Variants in SMAP1 observed in about 807,000 individuals in gnomAD.
SMAP1 encodes the protein stromal membrane-associated protein 1.
SMAP1 carries 24 observed loss-of-function variants against 58.5 expected under a neutral mutation model. The observed-to-expected ratio is 0.41, with a 90% confidence interval of 0.30 to 0.58. The LOEUF (loss-of-function observed/expected upper bound fraction) is 0.58, where lower values mean the gene tolerates loss of function less well. SMAP1 is among the 20% of genes least tolerant of loss of function. The pLI is 0.29. For synonymous variants in SMAP1, 216 were observed against 196.6 expected (o/e 1.10, Z -0.82); for missense variants, 563 against 566.3 (o/e 0.99, Z 0.06).
chr6:70,731,622 C>A lies in SMAP1; in HGVS notation c.119-756C>A, dbSNP rs533922486. 8.5e-5 allele frequency among the ~76,000 whole-genome samples: 13 copies of A among 152,216 alleles called. No homozygotes were observed. The East Asian group carries it at 1.7e-3, about 20-fold the overall frequency. On this transcript the variant is annotated intron_variant, in intron 1 of 10. Transcript: ENST00000370455. ...ATACATTTAATTAATATGCAGTATG[C>A]TATTATTTTACATATTTTTCAATTT...
chr6:70,769,805 C>G (rs1384494684), intron 3 of SMAP1, among the ~76,000 whole-genome samples: 2 of 152,138 alleles, frequency 1.3e-5, no homozygotes, highest in Non-Finnish European at 2.9e-5. Flanking sequence ...ATGATGTTAG[C>G]TGGTTATTTT....
intron 1 of SMAP1, among the ~76,000 whole-genome samples, chr6:70,685,486 A>G (rs1218045614): frequency 6.6e-6 from 1 of 152,168 alleles, no homozygotes; most frequent in Non-Finnish European, 1.5e-5. Context: ...ATCACCAAGA[A>G]TGGGGGCTGG....
intron 3 of SMAP1, among the ~76,000 whole-genome samples, chr6:70,759,471 G>A (rs528819153): frequency 5.3e-5 from 8 of 152,028 alleles, no homozygotes; most frequent in Non-Finnish European, 1.0e-4. Context: ...TGTTACCTAT[G>A]CATGAGAGTA....
chr6:70,798,438 C>T (rs1768699457), intron 5 of SMAP1, among the ~76,000 whole-genome samples: 1 of 151,938 alleles, frequency 6.6e-6, no homozygotes, highest in Non-Finnish European at 1.5e-5. Flanking sequence ...ACCGCTGTGC[C>T]TCTGTCTTAA....
intron 1 of SMAP1, among the ~76,000 whole-genome samples, chr6:70,691,073 A>G (rs1000890913): frequency 6.6e-6 from 1 of 152,114 alleles, no homozygotes; most frequent in Non-Finnish European, 1.5e-5. Flanking sequence ...TCTGTCTTTC[A>G]AGGAGTTGGT....
chr6:70,685,107 G>A (rs1766880802), intron 1 of SMAP1, among the ~76,000 whole-genome samples: 2 of 151,938 alleles, frequency 1.3e-5, no homozygotes, highest in African/African-American at 2.4e-5. Flanking sequence ...ATGAGTAGGT[G>A]TTTGGTAATT....
intron 1 of SMAP1, among the ~76,000 whole-genome samples, chr6:70,695,158 T>C (rs571164967): frequency 1.3e-5 from 2 of 152,338 alleles, no homozygotes; most frequent in Admixed American, 1.3e-4. Flanking sequence ...CCTTACTGAA[T>C]TTGTTTATTC....
intron 3 of SMAP1, among the ~76,000 whole-genome samples, chr6:70,771,035 G>T (rs1017181549): frequency 1.3e-5 from 2 of 152,150 alleles, no homozygotes; most frequent in African/African-American, 2.4e-5. Context: ...GTTTGCCTGG[G>T]TACCAGCAGT....
intron 2 of SMAP1, among the ~76,000 whole-genome samples, chr6:70,742,418 A>G (rs1159835092): frequency 6.6e-6 from 1 of 152,160 alleles, no homozygotes; most frequent in Non-Finnish European, 1.5e-5. Context: ...TCTCTTTCCT[A>G]AAACATAGCA....
chr6:70,802,414 C>T (rs1263056959), intron 6 of SMAP1, among the ~76,000 whole-genome samples: 2 of 152,142 alleles, frequency 1.3e-5, no homozygotes, highest in African/African-American at 4.8e-5. Context: ...TAGGCTGAGA[C>T]GATGGGGTTT....
At chr6:70,704,670 G>T (rs1183343231) in intron 1 of SMAP1, among the ~76,000 whole-genome samples, 1 of 152,070 alleles carries the variant, frequency 6.6e-6, no homozygotes, top group Non-Finnish European at 1.5e-5. Flanking sequence ...AGTTGTATTT[G>T]TTAAAAATCT....
chr6:70,810,715 C>T (rs1291428441), intron 6 of SMAP1, among the ~76,000 whole-genome samples: 1 of 152,130 alleles, frequency 6.6e-6, no homozygotes, highest in African/African-American at 2.4e-5. Flanking sequence ...GCTAGGACTA[C>T]AGGAGCATGC....
chr6:70,705,609 C>G (rs915143921), intron 1 of SMAP1, among the ~76,000 whole-genome samples: 5 of 152,094 alleles, frequency 3.3e-5, no homozygotes, highest in African/African-American at 1.2e-4. Flanking sequence ...AGAGAATTTT[C>G]TAACAAATAT....
At chr6:70,847,251 T>G (rs1211933263) in intron 7 of SMAP1, among the ~76,000 whole-genome samples, 7 of 152,192 alleles carry the variant, frequency 4.6e-5, no homozygotes. Context: ...ATATTTGAAA[T>G]GTTACCTCTT....
At chr6:70,790,692 A>G (rs1768313247) in intron 4 of SMAP1, among the ~76,000 whole-genome samples, 1 of 152,170 alleles carries the variant, frequency 6.6e-6, no homozygotes, top group African/African-American at 2.4e-5. Flanking sequence ...TACTGCCATA[A>G]CTAACTTAAT....
chr6:70,730,697 A>T (rs1356196120), intron 1 of SMAP1, among the ~76,000 whole-genome samples: 1 of 152,192 alleles, frequency 6.6e-6, no homozygotes, highest in Non-Finnish European at 1.5e-5. Flanking sequence ...TAATTTTACT[A>T]TATTGTACTT....
intron 3 of SMAP1, among the ~76,000 whole-genome samples, chr6:70,769,898 T>G (rs1294936036): frequency 1.3e-5 from 2 of 151,984 alleles, no homozygotes; most frequent in African/African-American, 4.8e-5. Flanking sequence ...TACCGGTTGT[T>G]CCTTTCCATG....
intron 4 of SMAP1, among the ~76,000 whole-genome samples, chr6:70,786,197 A>T (rs1196224950): frequency 6.6e-6 from 1 of 150,506 alleles, no homozygotes; most frequent in African/African-American, 2.4e-5. Flanking sequence ...ACCAAAGACA[A>T]AAACCACATG....
In SMAP1 at chr6:70,700,409, G is replaced by C. The variant is rs568321893; in HGVS notation, c.119-31969G>C. On this transcript the variant is annotated intron_variant, in intron 1 of 10. Transcript: ENST00000370455. ...CATTTCCCAGGTTCAAGCGATTCTT[G>C]TGCCTCAGCCTCCAGAGTAGCTGCG... 3.9e-5 allele frequency among the ~76,000 whole-genome samples: 6 copies of C among 152,250 alleles called. No individual in the cohort carries two copies. The South Asian group carries it at 8.3e-4, about 21-fold the overall frequency.
Sources: gnomAD v4.1 joint callset for allele counts (sites outside exome capture counted in the v4.1 genomes callset) on GRCh38, gnomAD v4.1.1 for gene constraint, MANE v1.5 for transcripts, NCBI Gene and HGNC (gene_info 2026-07-23, HGNC 2026-07-21) for gene names.